Variants in DLGAP2 observed in about 807,000 individuals in gnomAD.
The protein encoded by DLGAP2 is DLG associated protein 2.
DLGAP2 carries 26 observed loss-of-function variants against 100.3 expected under a neutral mutation model. That is an observed-to-expected ratio of 0.26 (90% CI 0.19 to 0.36). The LOEUF (loss-of-function observed/expected upper bound fraction) is 0.36, where lower values mean the gene tolerates loss of function less well. Ranked by LOEUF, DLGAP2 falls within the 10% of genes least tolerant of loss-of-function variation. The probability of loss-of-function intolerance (pLI) is 1.00; values close to 1 mark genes in which losing one functional copy is unlikely to be tolerated. For synonymous variants in DLGAP2, 886 were observed against 630.1 expected (o/e 1.41, Z -6.08); for missense variants, 1,858 against 1,453.2 (o/e 1.28, Z -4.53).
chr8:1,122,687 A>G (rs1416599683), intron 2 of DLGAP2, among the ~76,000 whole-genome samples: 14 of 152,028 alleles, frequency 9.2e-5, no homozygotes, highest in Admixed American at 9.2e-4. Context: ...TTTAGTTGAT[A>G]AAGTAGAAGC....
chr8:1,526,888 G>A (rs1159391033), intron 4 of DLGAP2, among the ~76,000 whole-genome samples: 1 of 152,252 alleles, frequency 6.6e-6, no homozygotes, highest in Non-Finnish European at 1.5e-5. Flanking sequence ...TGGAAAGGGG[G>A]CGGTGGCTTT....
chr8:1,332,341 TTG>T lies in DLGAP2; in HGVS notation c.106+73468_106+73469del, dbSNP rs372152600. Among the ~76,000 whole-genome samples, 278 of 152,114 alleles carry T rather than the reference TTG, an allele frequency of 1.8e-3. 1 individual carries two copies. The Middle Eastern group carries it at 0.054, about 30-fold the overall frequency. ...CTGTATGCGAGGGTATATGCATGTA[TTG>T]TGTGTGTGTATACATCTGTGTACAC... On this transcript the variant is annotated intron_variant, in intron 3 of 14. Transcript: ENST00000637795.
chr8:1,168,161 T>G (rs1256437784), intron 2 of DLGAP2, among the ~76,000 whole-genome samples: 2 of 151,296 alleles, frequency 1.3e-5, no homozygotes, highest in Admixed American at 1.3e-4. Flanking sequence ...CATAGTTTAC[T>G]GAGAATGATG....
intron 2 of DLGAP2, among the ~76,000 whole-genome samples, chr8:1,225,627 C>T (rs977555687): frequency 6.6e-6 from 1 of 152,208 alleles, no homozygotes; most frequent in Non-Finnish European, 1.5e-5. Context: ...GTATCATGAA[C>T]ACTTTTAAGC....
intron 2 of DLGAP2, among the ~76,000 whole-genome samples, chr8:999,820 C>A (rs1311496617): frequency 6.6e-6 from 1 of 152,212 alleles, no homozygotes; most frequent in Non-Finnish European, 1.5e-5. Context: ...CTTTCCTGTG[C>A]AATTTCTTTT....
intron 2 of DLGAP2, among the ~76,000 whole-genome samples, chr8:955,241 T>G (rs11784919): frequency 6.6e-6 from 1 of 151,772 alleles, no homozygotes. Flanking sequence ...CCTTCCCAGG[T>G]GCACATTTGC....
At chr8:977,751 G>C (rs539656601) in intron 2 of DLGAP2, among the ~76,000 whole-genome samples, 23 of 138,588 alleles carry the variant, frequency 1.7e-4, no homozygotes, top group African/African-American at 5.2e-4. Context: ...GTGAGGGGCT[G>C]GGTTCTGGTC....
chr8:1,700,695 C>A (rs573172531), intron 14 of DLGAP2, among the ~76,000 whole-genome samples: 43 of 152,234 alleles, frequency 2.8e-4, no homozygotes, highest in Middle Eastern at 3.4e-3. Context: ...GCGAATCGGG[C>A]CAGTGTTTCC....
intron 2 of DLGAP2, among the ~76,000 whole-genome samples, chr8:1,193,834 G>A (rs938308158): frequency 2.0e-5 from 3 of 151,720 alleles, no homozygotes; most frequent in Admixed American, 2.0e-4. Flanking sequence ...ACAGCATCCG[G>A]GTGGGGCAGA....
intron 3 of DLGAP2, among the ~76,000 whole-genome samples, chr8:1,470,000 A>C (rs1365902210): frequency 3.4e-5 from 4 of 116,444 alleles, no homozygotes; most frequent in African/African-American, 1.4e-4. Flanking sequence ...TAAAAAAAAA[A>C]AAGAAAAAAA....
chr8:1,622,175 C>A (rs772451966), intron 6 of DLGAP2: 2 of 152,232 alleles, frequency 1.3e-5, no homozygotes, highest in East Asian at 3.9e-4. Flanking sequence ...CACTGTTTAG[C>A]GTGCTCCATT....
chr8:1,356,710 C>A (rs968961745), intron 3 of DLGAP2, among the ~76,000 whole-genome samples: 1 of 152,092 alleles, frequency 6.6e-6, no homozygotes, highest in Admixed American at 6.5e-5. Flanking sequence ...CACAATGTAA[C>A]CCTACAGTAA....
intron 2 of DLGAP2, among the ~76,000 whole-genome samples, chr8:1,243,415 C>G (rs950868581): frequency 6.6e-6 from 1 of 152,204 alleles, no homozygotes; most frequent in African/African-American, 2.4e-5. Context: ...TGCGCAGCTG[C>G]CTGGCCTGCA....
intron 3 of DLGAP2, among the ~76,000 whole-genome samples, chr8:1,340,627 G>T (rs1489979545): frequency 6.6e-6 from 1 of 152,226 alleles, no homozygotes; most frequent in East Asian, 1.9e-4. Context: ...CACACTGTTA[G>T]CTGGGAGTGT....
At chr8:1,044,956 C>CTTTCA (rs1009355886) in intron 2 of DLGAP2, among the ~76,000 whole-genome samples, 2 of 152,246 alleles carry the variant, frequency 1.3e-5, no homozygotes, top group Non-Finnish European at 2.9e-5. Context: ...TTCCCTCCAT[C>CTTTCA]TTTCAGAGGA....
chr8:1,432,865 A>C (rs980990294), intron 3 of DLGAP2, among the ~76,000 whole-genome samples: 4 of 152,166 alleles, frequency 2.6e-5, no homozygotes, highest in Non-Finnish European at 5.9e-5. Context: ...GGGTCCTGAC[A>C]CAGACTGGCC....
At chr8:1,529,813 A>G (rs1300923476) in intron 4 of DLGAP2, among the ~76,000 whole-genome samples, 1 of 152,234 alleles carries the variant, frequency 6.6e-6, no homozygotes, top group East Asian at 1.9e-4. Flanking sequence ...CAAAAGAGAG[A>G]AATTTTAAAG....
At chr8:1,144,855 G>A (rs905150125) in intron 2 of DLGAP2, among the ~76,000 whole-genome samples, 6 of 151,490 alleles carry the variant, frequency 4.0e-5, no homozygotes, top group African/African-American at 1.5e-4. Flanking sequence ...GACCGCAGAC[G>A]GCCTGTATGA....
Position 1,072,922 on chromosome 8 carries a change from G to A in DLGAP2, c.73+164956G>A, listed in dbSNP as rs545146279. On this transcript the variant is annotated intron_variant, in intron 2 of 14. Coordinates refer to ENST00000637795, the MANE Select transcript of DLGAP2 (RefSeq NM_001346810.2). ...CTCCCTGCTGGCTGAGACGGAATCT[G>A]CTGTTACTGTATTAATTTAATTAGG... is the stretch of plus-strand genomic sequence containing the variant. 8.5e-5 allele frequency among the ~76,000 whole-genome samples: 13 copies of A among 152,302 alleles called. No individual in the cohort carries two copies. The South Asian group carries it at 2.7e-3, about 32-fold the overall frequency.
Sources: allele counts gnomAD v4.1 joint callset (sites outside exome capture counted in the v4.1 genomes callset), GRCh38; gene constraint gnomAD v4.1.1; transcripts MANE v1.5; gene names NCBI Gene and HGNC (gene_info 2026-07-23, HGNC 2026-07-21).